CHCHD6: variants seen among roughly 807,000 people sequenced by gnomAD.
The protein encoded by CHCHD6 is coiled-coil-helix-coiled-coil-helix domain containing 6, also known as MICOS complex subunit MIC25.
Under a neutral mutation model 32.3 loss-of-function variants are expected in CHCHD6, and 28 were observed. The observed-to-expected ratio is 0.87, with a 90% CI of 0.64 to 1.19. The LOEUF is 1.19. Ranked by LOEUF, CHCHD6 falls within the 50% of genes most tolerant of loss-of-function variation. The pLI, the probability that CHCHD6 is intolerant of heterozygous loss-of-function variation, is 0.00. For synonymous variants in CHCHD6, 122 were observed against 117.5 expected (o/e 1.04, Z -0.25); for missense variants, 333 against 307.0 (o/e 1.08, Z -0.63).
chr3:126,863,500 A>G (rs1444952042), intron 5 of CHCHD6, among the ~76,000 whole-genome samples: 2 of 125,808 alleles, frequency 1.6e-5, no homozygotes. Context: ...CTCCTCCTCT[A>G]CTATCACCAC....
chr3:126,910,273 G>GAAAAAAAAAAAAAAAAAAAAAAAAA (rs547565601), intron 5 of CHCHD6, among the ~76,000 whole-genome samples: 1 of 111,456 alleles, frequency 9.0e-6, no homozygotes, highest in Non-Finnish European at 1.8e-5. Flanking sequence ...CCTGCCTCAG[G>GAAAAAAAAAAAAAAAAAAAAAAAAA]AAAAAAAAAA....
chr3:126,925,769 G>A (rs564201017), intron 6 of CHCHD6, among the ~76,000 whole-genome samples: 2 of 152,312 alleles, frequency 1.3e-5, no homozygotes, highest in South Asian at 2.1e-4. Flanking sequence ...CTCCAGCACC[G>A]GGGGCCACCA....
In CHCHD6 at chr3:126,738,646, T is replaced by C. The variant is rs185470506; in HGVS notation, c.411+5424T>C. 3.2e-3 allele frequency among the ~76,000 whole-genome samples: 483 copies of C among 152,314 alleles called. 3 individuals carry two copies. In the Middle Eastern group the frequency reaches 0.037, roughly 12 times the overall value. ...GTGGGTGAGGGTTTGGATGTGTTAC[T>C]GCTTTGAAGCCCGCTGTGCAGTCGT... On this transcript the variant is annotated intron_variant, in intron 4 of 7. Transcript: ENST00000290913.
At chr3:126,795,937 C>G (rs980734971) in intron 4 of CHCHD6, among the ~76,000 whole-genome samples, 10 of 152,170 alleles carry the variant, frequency 6.6e-5, no homozygotes, top group African/African-American at 2.4e-4. Context: ...GAGGTAAGAG[C>G]TCACTCAGGT....
At chr3:126,850,837 C>T (rs982404825) in intron 4 of CHCHD6, among the ~76,000 whole-genome samples, 2 of 152,278 alleles carry the variant, frequency 1.3e-5, no homozygotes, top group African/African-American at 2.4e-5. Context: ...ATTAGCCGTG[C>T]TTGCATTCCT....
At chr3:126,731,911 A>C (rs2107658888) in intron 3 of CHCHD6, among the ~76,000 whole-genome samples, 1 of 152,156 alleles carries the variant, frequency 6.6e-6, no homozygotes, top group Non-Finnish European at 1.5e-5. Flanking sequence ...CCCTGTCTCT[A>C]CAAAAAAATT....
chr3:126,706,389 G>C (rs764448878), intron 1 of CHCHD6, among the ~76,000 whole-genome samples: 1 of 152,140 alleles, frequency 6.6e-6, no homozygotes, highest in Non-Finnish European at 1.5e-5. Context: ...CTTTAATTAA[G>C]ATCTTTTCGG....
chr3:126,939,505 TGTGCACAATGCACCA>T (rs1376669624), intron 6 of CHCHD6, among the ~76,000 whole-genome samples: 1 of 152,238 alleles, frequency 6.6e-6, no homozygotes, highest in Non-Finnish European at 1.5e-5. Context: ...TGTGCCTGTG[TGTGCACAATGCACCA>T]GGAGATGTGG....
At chr3:126,718,743 C>T (rs1935140136) in intron 1 of CHCHD6, among the ~76,000 whole-genome samples, 1 of 152,236 alleles carries the variant, frequency 6.6e-6, no homozygotes, top group Non-Finnish European at 1.5e-5. Flanking sequence ...TCTGATGGCA[C>T]TGTGACCAGC....
At chr3:126,737,281 T>A (rs879704117) in intron 4 of CHCHD6, among the ~76,000 whole-genome samples, 1 of 151,874 alleles carries the variant, frequency 6.6e-6, no homozygotes, top group Admixed American at 6.6e-5. Flanking sequence ...ATCGCGCCAT[T>A]GCACTCCAGC....
chr3:126,936,440 A>G (rs748144782), intron 6 of CHCHD6, among the ~76,000 whole-genome samples: 11 of 152,230 alleles, frequency 7.2e-5, no homozygotes, highest in Non-Finnish European at 1.2e-4. Context: ...TGCAAAATAC[A>G]TATTGGATTT....
intron 1 of CHCHD6, among the ~76,000 whole-genome samples, chr3:126,707,619 C>T (rs764240941): frequency 7.9e-5 from 12 of 152,214 alleles, no homozygotes; most frequent in Non-Finnish European, 1.6e-4. Context: ...GTTCACCAGC[C>T]TTTCCCCCTT....
At chr3:126,710,593 A>C (rs1171650366) in intron 1 of CHCHD6, among the ~76,000 whole-genome samples, 1 of 152,174 alleles carries the variant, frequency 6.6e-6, no homozygotes, top group African/African-American at 2.4e-5. Flanking sequence ...CATTCATTAG[A>C]TCTTTCTTAA....
At chr3:126,713,442 C>T (rs945084938) in intron 1 of CHCHD6, among the ~76,000 whole-genome samples, 1 of 152,150 alleles carries the variant, frequency 6.6e-6, no homozygotes, top group Non-Finnish European at 1.5e-5. Flanking sequence ...CATGTGTGGG[C>T]GCCACTTTCT....
intron 4 of CHCHD6, chr3:126,766,839 C>A: frequency 1.0e-6 from 1 of 963,102 alleles, no homozygotes. Context: ...AGATCTGGGA[C>A]ACCCGATGTC....
At position 126,802,979 on chromosome 3, in the gene CHCHD6, A is replaced by G. The variant is rs539144653; in HGVS notation, c.412-49668A>G. Reference sequence around the variant, plus strand: ...CAGCCAAACTAAGCTTCATAAGTGAAGAGAAATAAAATCCTTTACAGACAA... The same window carrying G: ...CAGCCAAACTAAGCTTCATAAGTGAGGAGAAATAAAATCCTTTACAGACAA... On this transcript the variant is annotated intron_variant, in intron 4 of 7. Transcript: ENST00000290913. Among the ~76,000 whole-genome samples the G allele has an allele frequency of 3.3e-5, 5 of 152,268 alleles. No homozygotes were observed. In the South Asian group the frequency reaches 8.3e-4, roughly 25 times the overall value.
intron 5 of CHCHD6, among the ~76,000 whole-genome samples, chr3:126,897,028 C>G (rs191601792): frequency 2.8e-4 from 42 of 152,314 alleles, no homozygotes; most frequent in Admixed American, 2.5e-3. Flanking sequence ...CATAGACTCT[C>G]CAACATGGAT....
intron 4 of CHCHD6, among the ~76,000 whole-genome samples, chr3:126,836,988 CA>C (rs1462467871): frequency 1.3e-5 from 2 of 152,160 alleles, no homozygotes; most frequent in African/African-American, 4.8e-5. Context: ...TTACTCTGTG[CA>C]AATCTGGGGT....
At chr3:126,834,617 G>C (rs1180596708) in intron 4 of CHCHD6, among the ~76,000 whole-genome samples, 7 of 152,136 alleles carry the variant, frequency 4.6e-5, no homozygotes, top group Non-Finnish European at 1.5e-5. Context: ...ATCTCTATCA[G>C]TCCCTCCTTT....
Sources: gnomAD v4.1 joint callset for allele counts (sites outside exome capture counted in the v4.1 genomes callset) on GRCh38, gnomAD v4.1.1 for gene constraint, MANE v1.5 for transcripts, NCBI Gene and HGNC (gene_info 2026-07-23, HGNC 2026-07-21) for gene names.